The following MAPK10 variants were observed in gnomAD, a reference collection of about 807,000 sequenced individuals.
MAPK10 encodes the protein JNK3 alpha protein kinase.
In MAPK10, 25 loss-of-function variants were observed where a neutral mutation model predicts 59.3. The observed-to-expected ratio is 0.42, with a 90% CI of 0.31 to 0.59. The LOEUF (loss-of-function observed/expected upper bound fraction) is 0.59, where lower values mean the gene tolerates loss of function less well. MAPK10 is among the 20% of genes least tolerant of loss of function. MAPK10 has a pLI of 0.15. For missense variants in MAPK10, 351 were observed against 568.9 expected (o/e 0.62, Z 3.90); for synonymous variants, 190 against 200.5 (o/e 0.95, Z 0.44).
At chr4:86,566,808 AC>A (rs1218249540) in intron 1 of MAPK10, among the ~76,000 whole-genome samples, 1 of 149,752 alleles carries the variant, frequency 6.7e-6, no homozygotes, top group Admixed American at 6.6e-5. Context: ...AGTGGCTCTC[AC>A]CTATAATCCC....
At chr4:86,148,534 T>C (rs894472137) in intron 4 of MAPK10, among the ~76,000 whole-genome samples, 3 of 152,086 alleles carry the variant, frequency 2.0e-5, no homozygotes, top group Non-Finnish European at 4.4e-5. Context: ...TCCATGATGA[T>C]AGCCCAGCGG....
chr4:86,380,256 C>A (rs923858706), intron 1 of MAPK10, among the ~76,000 whole-genome samples: 1 of 151,894 alleles, frequency 6.6e-6, no homozygotes. Flanking sequence ...CAAAAAAAAC[C>A]CCCCCAAAAA....
chr4:86,221,860 T>C (rs1469954830), intron 2 of MAPK10, among the ~76,000 whole-genome samples: 1 of 152,144 alleles, frequency 6.6e-6, no homozygotes, highest in African/African-American at 2.4e-5. Context: ...GATTGGAACA[T>C]GGGGGTGGAA....
chr4:86,185,763 G>A (rs1391018330), intron 3 of MAPK10, among the ~76,000 whole-genome samples: 1 of 152,160 alleles, frequency 6.6e-6, no homozygotes, highest in African/African-American at 2.4e-5. Context: ...TGAATATGGA[G>A]TGTGACCCAA....
upstream of MAPK10, among the ~76,000 whole-genome samples, chr4:86,457,757 C>T (rs1178644920): frequency 6.6e-6 from 1 of 151,872 alleles, no homozygotes; most frequent in African/African-American, 2.4e-5. Flanking sequence ...AAATTCAATG[C>T]AATTCACATC....
At chr4:86,540,369 G>A (rs906734672) in intron 1 of MAPK10, among the ~76,000 whole-genome samples, 3 of 151,970 alleles carry the variant, frequency 2.0e-5, no homozygotes, top group Admixed American at 1.3e-4. Context: ...GTATGGTGTC[G>A]CACACCTGTG....
intron 2 of MAPK10, among the ~76,000 whole-genome samples, chr4:86,281,261 T>G (rs2148798177): frequency 6.6e-6 from 1 of 152,136 alleles, no homozygotes; most frequent in South Asian, 2.1e-4. Flanking sequence ...TCCCAGCACT[T>G]TAGGAGGCAG....
intron 1 of MAPK10, among the ~76,000 whole-genome samples, chr4:86,550,368 T>G (rs1759661695): frequency 9.7e-6 from 1 of 103,144 alleles, no homozygotes; most frequent in Non-Finnish European, 1.8e-5. Flanking sequence ...TAAGCAGAGC[T>G]TCAGTTAAAA....
chr4:86,578,693 TA>T, intron 1 of MAPK10, among the ~76,000 whole-genome samples: 1 of 152,018 alleles, frequency 6.6e-6, no homozygotes, highest in South Asian at 2.1e-4. Flanking sequence ...GAGTATTTAT[TA>T]AAATGCAGTT....
chr4:86,498,869 G>A (rs995843649), intron 1 of MAPK10, among the ~76,000 whole-genome samples: 2 of 152,148 alleles, frequency 1.3e-5, no homozygotes, highest in Admixed American at 1.3e-4. Flanking sequence ...GAACACCAAA[G>A]TGGCACTCAA....
chr4:86,300,611 A>G (rs1224086849), intron 2 of MAPK10: 1 of 152,330 alleles, frequency 6.6e-6, no homozygotes, highest in East Asian at 1.9e-4. Flanking sequence ...AATACAAAAT[A>G]TTTATTATTT....
intron 1 of MAPK10, among the ~76,000 whole-genome samples, chr4:86,477,226 C>T (rs1000624608): frequency 2.0e-5 from 3 of 152,244 alleles, no homozygotes; most frequent in African/African-American, 4.8e-5. Flanking sequence ...CCATAACTGT[C>T]GTGGGTATTG....
chr4:86,203,578 C>T lies in MAPK10; in HGVS notation c.-6-9171G>A, dbSNP rs193046227. ...ACAGTTTCTAAGTTCAATCGGTATA[C>T]GATGTCATTACTTATAAGTAATTTT... is the stretch of plus-strand genomic sequence containing the variant. On this transcript the variant is annotated intron_variant, in intron 2 of 13. Transcript: ENST00000641462. Among the ~76,000 whole-genome samples the T allele has an allele frequency of 5.3e-3, 799 of 151,130 alleles. 3 individuals carry two copies. The highest frequency in any genetic ancestry group is 0.014 in the Middle Eastern group (4 of 290).
At chr4:86,132,615 G>A (rs185034748) in intron 4 of MAPK10, among the ~76,000 whole-genome samples, 1 of 152,226 alleles carries the variant, frequency 6.6e-6, no homozygotes, top group East Asian at 1.9e-4. Context: ...GTGAGCTGTG[G>A]GTGAGCAAGC....
At chr4:86,197,850 A>C (rs1053137346) in intron 2 of MAPK10, among the ~76,000 whole-genome samples, 1 of 152,182 alleles carries the variant, frequency 6.6e-6, no homozygotes, top group African/African-American at 2.4e-5. Context: ...GCCAGAGATC[A>C]AGAACTATTA....
chr4:86,121,221 C>A (rs901794513), intron 4 of MAPK10, among the ~76,000 whole-genome samples: 2 of 152,248 alleles, frequency 1.3e-5, no homozygotes, highest in African/African-American at 2.4e-5. Flanking sequence ...CTATTTCTCA[C>A]AATTCTTGAG....
intron 4 of MAPK10, among the ~76,000 whole-genome samples, chr4:86,111,541 G>A (rs6531897): frequency 0.15 from 23,083 of 152,068 alleles, 2,361 homozygotes; most frequent in Non-Finnish European, 0.22. Context: ...ATTGATTTGC[G>A]TATGTTAAAC....
intron 2 of MAPK10, among the ~76,000 whole-genome samples, chr4:86,241,123 G>C (rs866550571): frequency 6.6e-6 from 1 of 152,122 alleles, no homozygotes; most frequent in African/African-American, 2.4e-5. Flanking sequence ...ATGAAATTCT[G>C]GGTTGAAAAT....
At chr4:86,458,245 A>G (rs1394140881) in intron 1 of MAPK10, among the ~76,000 whole-genome samples, 2 of 151,808 alleles carry the variant, frequency 1.3e-5, no homozygotes, top group Non-Finnish European at 2.9e-5. Context: ...GGTTGCAGTG[A>G]GCCAAGATTG....
Sources: gnomAD v4.1 joint callset for allele counts (sites outside exome capture counted in the v4.1 genomes callset) on GRCh38, gnomAD v4.1.1 for gene constraint, MANE v1.5 for transcripts, NCBI Gene and HGNC (gene_info 2026-07-23, HGNC 2026-07-21) for gene names.